The following SYNPO2 variants were observed in gnomAD, a reference collection of about 807,000 sequenced individuals.
SYNPO2 encodes synaptopodin 2.
SYNPO2 carries 56 observed loss-of-function variants against 85.0 expected under a neutral mutation model. The observed-to-expected ratio is 0.66, with a 90% confidence interval of 0.53 to 0.82. SYNPO2 has a LOEUF of 0.82. SYNPO2 is among the 40% of genes least tolerant of loss of function. The probability of loss-of-function intolerance (pLI) is 0.00; values close to 1 mark genes in which losing one functional copy is unlikely to be tolerated. For synonymous variants in SYNPO2, 602 were observed against 591.1 expected (o/e 1.02, Z -0.27); for missense variants, 1,575 against 1,534.2 (o/e 1.03, Z -0.44).
intron 1 of SYNPO2, among the ~76,000 whole-genome samples, chr4:118,964,023 A>G (rs1735206843): frequency 6.6e-6 from 1 of 152,150 alleles, no homozygotes; most frequent in Admixed American, 6.6e-5. Flanking sequence ...TAGGACGTAC[A>G]TGGGTTTTGC....
intron 1 of SYNPO2, among the ~76,000 whole-genome samples, chr4:118,981,808 C>T (rs531743941): frequency 6.6e-6 from 1 of 152,244 alleles, no homozygotes; most frequent in East Asian, 1.9e-4. Flanking sequence ...TAAAGGCTTC[C>T]TTTTTCCTCA....
intron 1 of SYNPO2, among the ~76,000 whole-genome samples, chr4:118,971,016 G>C (rs1274988635): frequency 6.6e-6 from 1 of 152,056 alleles, no homozygotes; most frequent in African/African-American, 2.4e-5. Flanking sequence ...ACACTCTCTG[G>C]GGTGGCAAAA....
chr4:118,911,582 TC>T lies in SYNPO2; in HGVS notation c.105+22444del, dbSNP rs1733138994. On this transcript the variant is annotated intron_variant, in intron 1 of 4. Transcript: ENST00000307142. The stretch of plus-strand genomic sequence containing the variant: ...CATGCATAAAAGTTTCTTGGCAAGT[TC>T]CCATGATAGCATTAAAAACTCTATA... Among the ~76,000 whole-genome samples the T allele has an allele frequency of 3.9e-5, 6 of 152,284 alleles. No homozygotes were observed. The South Asian group carries it at 1.2e-3, about 32-fold the overall frequency.
intron 1 of SYNPO2, among the ~76,000 whole-genome samples, chr4:118,881,161 G>T (rs1045702410): frequency 1.1e-4 from 17 of 152,056 alleles, no homozygotes; most frequent in African/African-American, 3.9e-4. Flanking sequence ...AATTAGCCGG[G>T]TGTAGTGGCG....
intron 1 of SYNPO2, among the ~76,000 whole-genome samples, chr4:119,012,375 C>CTTTTTTTTTTTTTTTTTTT (rs10651853): frequency 9.1e-6 from 1 of 109,766 alleles, no homozygotes; most frequent in Non-Finnish European, 1.9e-5. Flanking sequence ...TCCCCCTTTT[C>CTTTTTTTTTTTTTTTTTTT]TTTTTTTTTT....
chr4:119,007,264 A>ATT (rs763240292), intron 1 of SYNPO2, among the ~76,000 whole-genome samples: 1 of 76,510 alleles, frequency 1.3e-5, no homozygotes, highest in Non-Finnish European at 2.4e-5. Flanking sequence ...ATATATATAT[A>ATT]TATATATATA....
intron 1 of SYNPO2, among the ~76,000 whole-genome samples, chr4:118,852,203 T>C (rs1343453603): frequency 6.6e-6 from 1 of 152,110 alleles, no homozygotes. Flanking sequence ...ATGGCTGTTG[T>C]TAAAGAGAAA....
chr4:118,894,992 A>G (rs1451370326), intron 1 of SYNPO2, among the ~76,000 whole-genome samples: 2 of 152,248 alleles, frequency 1.3e-5, no homozygotes, highest in African/African-American at 4.8e-5. Flanking sequence ...ACTAACATAC[A>G]TAAAGAACAC....
At chr4:118,969,872 A>G (rs573208608) in intron 1 of SYNPO2, among the ~76,000 whole-genome samples, 3 of 152,232 alleles carry the variant, frequency 2.0e-5, no homozygotes, top group South Asian at 4.1e-4. Flanking sequence ...GGCCTCTTTA[A>G]AAAGTAGACT....
chr4:118,918,029 A>G (rs1003619569), intron 1 of SYNPO2, among the ~76,000 whole-genome samples: 1 of 152,200 alleles, frequency 6.6e-6, no homozygotes, highest in Non-Finnish European at 1.5e-5. Context: ...TTGTTGAGTT[A>G]GGTAGAAGAG....
At chr4:118,870,528 TTTATA>T (rs1731782458) in intron 1 of SYNPO2, among the ~76,000 whole-genome samples, 1 of 152,216 alleles carries the variant, frequency 6.6e-6, no homozygotes, top group Non-Finnish European at 1.5e-5. Flanking sequence ...AGTAGAATGA[TTTATA>T]TTCCTTTGTG....
chr4:119,002,033 T>C (rs1736840688), intron 1 of SYNPO2, among the ~76,000 whole-genome samples: 1 of 152,168 alleles, frequency 6.6e-6, no homozygotes, highest in East Asian at 1.9e-4. Flanking sequence ...CCCAATATAA[T>C]TATATTTTGA....
intron 3 of SYNPO2, among the ~76,000 whole-genome samples, 171 bp from the exon 4 acceptor site, chr4:119,029,674 A>G (rs1380591216): frequency 1.3e-5 from 2 of 152,186 alleles, no homozygotes; most frequent in African/African-American, 4.8e-5. Context: ...AGAAGGAAAC[A>G]TGTTAAGAGA....
At chr4:118,890,731 C>CTGTG (rs1459421038) in intron 1 of SYNPO2, among the ~76,000 whole-genome samples, 10 of 126,066 alleles carry the variant, frequency 7.9e-5, no homozygotes, top group South Asian at 2.6e-4. Context: ...CTCTCTCTCT[C>CTGTG]TCTGTGTGTG....
upstream of SYNPO2, among the ~76,000 whole-genome samples, chr4:118,885,542 G>A (rs375726442): frequency 2.9e-4 from 44 of 150,014 alleles, 1 homozygote; most frequent in African/African-American, 9.0e-4. Context: ...GTACGGTCTC[G>A]GCTCACTGCA....
rs558905747 is a variant in SYNPO2 at position 118,882,989 on chromosome 4, C to T, written c.12+32049C>T. On this transcript the variant is annotated intron_variant, in intron 1 of 4. Transcript: ENST00000610556. ...TGTTAGCCAGGATGGTCTCGATCTCCTGACCTCGTGATCCGCCCTCCTCGG... is the reference window on the plus strand; with the variant it reads ...TGTTAGCCAGGATGGTCTCGATCTCTTGACCTCGTGATCCGCCCTCCTCGG... 2.6e-5 allele frequency among the ~76,000 whole-genome samples: 4 copies of T among 151,880 alleles called. No individual in the cohort carries two copies. In the South Asian group the frequency reaches 6.2e-4, roughly 24 times the overall value.
intron 1 of SYNPO2, among the ~76,000 whole-genome samples, chr4:118,876,675 T>TCCTTCCTTCCTTCCTTTC (rs1731922088): frequency 4.8e-4 from 3 of 6,276 alleles, no homozygotes; most frequent in Admixed American, 1.4e-3. Flanking sequence ...TTCTCTTTCT[T>TCCTTCCTTCCTTCCTTTC]TCTTTCTTTC....
intron 1 of SYNPO2, among the ~76,000 whole-genome samples, chr4:118,959,313 A>T (rs1734989250): frequency 6.6e-6 from 1 of 152,244 alleles, no homozygotes; most frequent in Non-Finnish European, 1.5e-5. Flanking sequence ...AGTTCCAAAG[A>T]ATTTGCTAAA....
At chr4:118,908,830 T>C (rs1168319710) in intron 1 of SYNPO2, among the ~76,000 whole-genome samples, 1 of 152,206 alleles carries the variant, frequency 6.6e-6, no homozygotes, top group African/African-American at 2.4e-5. Flanking sequence ...TTTTTTGTTC[T>C]AATTCACAAA....
Sources: gnomAD v4.1 joint callset for allele counts (sites outside exome capture counted in the v4.1 genomes callset) on GRCh38, gnomAD v4.1.1 for gene constraint, MANE v1.5 for transcripts, NCBI Gene and HGNC (gene_info 2026-07-23, HGNC 2026-07-21) for gene names.